The following GNL1 variants were observed in gnomAD, a reference collection of about 807,000 sequenced individuals.
GNL1 encodes the protein guanine nucleotide-binding protein-like 1.
A neutral mutation model predicts 75.2 loss-of-function variants in GNL1; 21 were observed. The observed-to-expected ratio is 0.28, with a 90% CI of 0.20 to 0.40. The LOEUF (loss-of-function observed/expected upper bound fraction) is 0.40, where lower values mean the gene tolerates loss of function less well. Ranked by LOEUF, GNL1 falls within the 10% of genes least tolerant of loss-of-function variation. The pLI, the probability that GNL1 is intolerant of heterozygous loss-of-function variation, is 1.00. For missense variants in GNL1, 579 were observed against 775.0 expected (o/e 0.75, Z 3.00); for synonymous variants, 287 against 303.4 (o/e 0.95, Z 0.56).
intron 8 of GNL1, among the ~76,000 whole-genome samples, chr6:30,550,166 T>C (rs1186596567): frequency 6.6e-6 from 1 of 152,110 alleles, no homozygotes; most frequent in Non-Finnish European, 1.5e-5. Flanking sequence ...CCATCAATGG[T>C]TCCCCAAATT....
chr6:30,549,825 C>CTTTTT (rs535787672), intron 8 of GNL1, among the ~76,000 whole-genome samples: 2 of 129,452 alleles, frequency 1.5e-5, no homozygotes, highest in African/African-American at 3.0e-5. Context: ...AATTCCATGG[C>CTTTTT]TTTTTTTTTT....
rs748033106 is a variant in GNL1 at position 30,555,784 on chromosome 6, C to G, written c.74-64G>C. On this transcript the variant is annotated intron_variant, in intron 1 of 11. Coordinates refer to ENST00000376621, the MANE Select transcript of GNL1 (RefSeq NM_005275.5). The surrounding 1 kb of genome is among the most constrained non-coding windows in gnomAD (Gnocchi z 4.3). ...CTCAGGGGCCATAAGACCCTCTCCCCCATCGGCCTGACTCCCTTTCATCCC... is the reference window on the plus strand; with the variant it reads ...CTCAGGGGCCATAAGACCCTCTCCCGCATCGGCCTGACTCCCTTTCATCCC... 7.9e-6 allele frequency: 12 copies of G among 1,528,622 alleles called. No homozygotes were observed. In the African/African-American group the frequency reaches 8.2e-5, roughly 10 times the overall value. 94.7% of individuals were successfully genotyped at this position (1,528,622 alleles called of 1,614,324 possible). A position where few individuals can be genotyped will look rare whatever the true frequency, so the allele number is the denominator to read the frequency against.
In GNL1 at chr6:30,546,431, T is replaced by G. The variant is rs1409313340; in HGVS notation, c.1583-118A>C. On this transcript the variant is annotated intron_variant, in intron 11 of 11. Transcript: ENST00000376621. This position sits in a 1 kb window ranked among gnomAD's most constrained non-coding sequence, Gnocchi z 5.1. ...CAATAATCTTTAGAGCTGCTGGCAT[T>G]CATTCATTCATCCATTCATTCAACT... The G allele has an allele frequency of 1.4e-6, 1 of 712,454 alleles. No individual in the cohort carries two copies. Among genetic ancestry groups the G allele is most frequent in the Non-Finnish European group, 2.4e-6 (1 of 418,438 alleles). 44.1% of individuals were successfully genotyped at this position (712,454 alleles called of 1,614,324 possible). A position where few individuals can be genotyped will look rare whatever the true frequency, so the allele number is the denominator to read the frequency against.
Position 30,555,985 on chromosome 6 carries a change from T to C in GNL1, c.73+146A>G. On this transcript the variant is annotated intron_variant, in intron 1 of 11. Transcript: ENST00000376621. This position sits in a 1 kb window ranked among gnomAD's most constrained non-coding sequence, Gnocchi z 4.3. The stretch of plus-strand genomic sequence containing the variant: ...CCACCCCTTCCAGATGTAGGGGGGG[T>C]GGGGGATCCCCTCCGCGATAGGCCG... The C allele has an allele frequency of 9.9e-7, 1 of 1,005,466 alleles. No individual in the cohort carries two copies. The highest frequency in any genetic ancestry group is 1.5e-5 in the South Asian group (1 of 68,246). 62.3% of individuals were successfully genotyped at this position (1,005,466 alleles called of 1,614,324 possible).
chr6:30,549,344 G>A lies in GNL1; in HGVS notation c.1100-1814C>T, dbSNP rs140239666. Among the ~76,000 whole-genome samples the A allele has an allele frequency of 3.8e-3, 571 of 152,200 alleles. 5 individuals are homozygous for A. Among genetic ancestry groups the A allele is most frequent in the Middle Eastern group, 0.027 (8 of 294 alleles). ...TAATCCTCTCCCTCTATACATGCAA[G>A]CTTTATCCTTTTAAGGAAATCAACT... On this transcript the variant is annotated intron_variant, in intron 8 of 11. Transcript: ENST00000376621.
chr6:30,552,714 G>C lies in GNL1; in HGVS notation c.905-53C>G. ...GGTTCTCCCCAGGGCTGCTGTGCAT[G>C]ATGGCACATACTGTGCCCTGCACAG... On this transcript the variant is annotated intron_variant, in intron 7 of 11. Transcript: ENST00000376621. This position sits in a 1 kb window ranked among gnomAD's most constrained non-coding sequence, Gnocchi z 4.5. 1.3e-6 allele frequency: 2 copies of C among 1,506,530 alleles called. No individual in the cohort carries two copies. The highest frequency in any genetic ancestry group is 1.8e-6 in the Non-Finnish European group (2 of 1,095,968). The allele number at this position is 1,506,530 out of a possible 1,614,324, so 93.3% of individuals were successfully genotyped here.
Position 30,555,947 on chromosome 6 carries a change from T to C in GNL1, c.73+184A>G, listed in dbSNP as rs1800143343. On this transcript the variant is annotated intron_variant, in intron 1 of 11. Coordinates refer to ENST00000376621, the MANE Select transcript of GNL1 (RefSeq NM_005275.5). The surrounding 1 kb of genome is among the most constrained non-coding windows in gnomAD (Gnocchi z 4.3). Reference sequence around the variant, plus strand: ...GCTGGAGGGATTCCCCTCCCCCAACTCTCCATCCTTCCCCACCCCTTCCAG... The same window carrying C: ...GCTGGAGGGATTCCCCTCCCCCAACCCTCCATCCTTCCCCACCCCTTCCAG... 4.8e-6 allele frequency: 4 copies of C among 841,446 alleles called. No homozygotes were observed. Among genetic ancestry groups the C allele is most frequent in the Middle Eastern group, 4.7e-4 (2 of 4,248 alleles). The allele number at this position is 841,446 out of a possible 1,614,324, so 52.1% of individuals were successfully genotyped here. A position where few individuals can be genotyped will look rare whatever the true frequency, so the allele number is the denominator to read the frequency against.
chr6:30,550,182 C>A (rs1353792738), intron 8 of GNL1, among the ~76,000 whole-genome samples: 2 of 152,240 alleles, frequency 1.3e-5, no homozygotes, highest in South Asian at 2.1e-4. Context: ...AAATTTAAAT[C>A]TTTCCCAAAT....
intron 5 of GNL1, among the ~76,000 whole-genome samples, chr6:30,554,228 G>A (rs780127198): frequency 2.0e-5 from 3 of 152,178 alleles, no homozygotes; most frequent in Admixed American, 6.5e-5. Context: ...GGCAGTGCTA[G>A]AGAAATGAGA....
In GNL1 at chr6:30,548,923, C is replaced by T. The variant is rs1799600051; in HGVS notation, c.1100-1393G>A. 6.6e-6 allele frequency among the ~76,000 whole-genome samples: 1 copy of T among 152,182 alleles called. No homozygotes were observed. Among genetic ancestry groups the T allele is most frequent in the South Asian group, 2.1e-4 (1 of 4,830 alleles). ...GTAAACTACAACATACAAAAAAATGCACAGAACATACATGTGCAGCCTGAT... is the reference window on the plus strand; with the variant it reads ...GTAAACTACAACATACAAAAAAATGTACAGAACATACATGTGCAGCCTGAT... On this transcript the variant is annotated intron_variant, in intron 8 of 11. Transcript: ENST00000376621. The surrounding 1 kb of genome is among the most constrained non-coding windows in gnomAD (Gnocchi z 4.2).
In GNL1 at chr6:30,552,438, C is replaced by A; in HGVS notation, c.1099+29G>T. 1 of 1,580,554 alleles carries A rather than the reference C, an allele frequency of 6.3e-7. No individual in the cohort carries two copies. The highest frequency in any genetic ancestry group is 8.7e-7 in the Non-Finnish European group (1 of 1,153,978). On this transcript the variant is annotated intron_variant, in intron 8 of 11. Transcript: ENST00000376621. The surrounding 1 kb of genome is among the most constrained non-coding windows in gnomAD (Gnocchi z 4.5). Reference sequence around the variant, plus strand: ...TGAAAACTCTGTACCTCCTTGGAGGCCACCACGCACAAGCTGCCACTTCCT... The same window carrying A: ...TGAAAACTCTGTACCTCCTTGGAGGACACCACGCACAAGCTGCCACTTCCT...
In GNL1 at chr6:30,547,054, G is replaced by T; in HGVS notation, c.1441+58C>A. On this transcript the variant is annotated intron_variant, in intron 10 of 11. Transcript: ENST00000376621. The surrounding 1 kb of genome is among the most constrained non-coding windows in gnomAD (Gnocchi z 5.5). The stretch of plus-strand genomic sequence containing the variant: ...GAGACAGGGAAGGGTAAAAGGCGAG[G>T]CAGGTAAGGAAGAGCAGCTGAAACC... The T allele has an allele frequency of 6.8e-7, 1 of 1,461,412 alleles. No homozygotes were observed. Among genetic ancestry groups the T allele is most frequent in the Non-Finnish European group, 9.6e-7 (1 of 1,043,824 alleles). 90.5% of individuals were successfully genotyped at this position (1,461,412 alleles called of 1,614,324 possible).
rs544919519 is a variant in GNL1, at chr6:30,548,492, C to G, written c.1100-962G>C. On this transcript the variant is annotated intron_variant, in intron 8 of 11. Coordinates refer to ENST00000376621, the MANE Select transcript of GNL1 (RefSeq NM_005275.5). This position sits in a 1 kb window ranked among gnomAD's most constrained non-coding sequence, Gnocchi z 4.2. ...AAGTCTTTGACCCCTGACCTTAACA[C>G]AGTAACACTATGCAATACCCAACTC... 6.6e-6 allele frequency among the ~76,000 whole-genome samples: 1 copy of G among 152,298 alleles called. No homozygotes were observed. Among genetic ancestry groups the G allele is most frequent in the Non-Finnish European group, 1.5e-5 (1 of 68,026 alleles).
chr6:30,551,775 A>T (rs908272097), intron 8 of GNL1, among the ~76,000 whole-genome samples: 2 of 152,158 alleles, frequency 1.3e-5, no homozygotes, highest in African/African-American at 4.8e-5. Flanking sequence ...CCATATAAAT[A>T]CTGAGTTTTA....
In GNL1 at chr6:30,552,615, C is replaced by T; in HGVS notation, c.951G>A (p.Gly317=). 2 of 1,614,036 alleles carry T rather than the reference C, an allele frequency of 1.2e-6. No individual in the cohort carries two copies. Among genetic ancestry groups the T allele is most frequent in the Non-Finnish European group, 1.7e-6 (2 of 1,179,966 alleles). ...WREKIARDVA[G]ATWGNGSGEE... ...CCCCAGAGCCATTACCCCAGGTGGC[C>T]CCAGCCACATCCCGAGCAATCTTCT... The change falls in exon 8 of 12, where the codon GGG becomes GGA. Residue 317 remains glycine, a synonymous_variant. Coordinates refer to ENST00000376621, the MANE Select transcript of GNL1 (RefSeq NM_005275.5). This position sits in a 1 kb window ranked among gnomAD's most constrained non-coding sequence, Gnocchi z 4.5.
Position 30,552,962 on chromosome 6 carries a change from TC to T in GNL1, c.904+121del, listed in dbSNP as rs2127377366. The T allele has an allele frequency of 1.3e-6, 1 of 748,450 alleles. No individual in the cohort carries two copies. 46.4% of individuals were successfully genotyped at this position (748,450 alleles called of 1,614,324 possible). On this transcript the variant is annotated intron_variant, in intron 7 of 11. Coordinates refer to ENST00000376621, the MANE Select transcript of GNL1 (RefSeq NM_005275.5). This position sits in a 1 kb window ranked among gnomAD's most constrained non-coding sequence, Gnocchi z 4.5. ...TCAGTCTGCTCCTTATTCTGTCCCT[TC>T]CCCTGGCCTCTTGCACATATCCACC...
Position 30,546,100 on chromosome 6 carries a change from T to C in GNL1, c.1796A>G (p.Tyr599Cys), listed in dbSNP as rs750423828. 26 of 1,585,624 alleles carry C rather than the reference T, an allele frequency of 1.6e-5. No homozygotes were observed. Among genetic ancestry groups the C allele is most frequent in the Non-Finnish European group, 2.2e-5 (26 of 1,166,546 alleles). Residue 599 changes from tyrosine (Y) to cysteine (C), a missense_variant, in exon 12 of 12, where the codon TAT (tyrosine) becomes TGT (cysteine). Physicochemically the swap from Tyr to Cys is radical, Grantham distance 194. Transcript: ENST00000376621. This position sits in a 1 kb window ranked among gnomAD's most constrained non-coding sequence, Gnocchi z 5.1. ...GCACTCATCCTCACCCAGCAGGGCATAAGGGTTTCGGCCAGCCAGGCTGGA... is the reference window on the plus strand; with the variant it reads ...GCACTCATCCTCACCCAGCAGGGCACAAGGGTTTCGGCCAGCCAGGCTGGA... ...PGSSLAGRNPYALLGEDEC is the reference protein window; with the variant it reads ...PGSSLAGRNPCALLGEDEC
chr6:30,549,103 T>C lies in GNL1; in HGVS notation c.1100-1573A>G, dbSNP rs558497670. On this transcript the variant is annotated intron_variant, in intron 8 of 11. Transcript: ENST00000376621. The stretch of plus-strand genomic sequence containing the variant: ...ACCTCATCCTCCCAGGTTCAAGCGA[T>C]TCTCGTGCCTCAACCTCCTGAGTAG... Among the ~76,000 whole-genome samples the C allele has an allele frequency of 5.9e-5, 9 of 152,282 alleles. No homozygotes were observed. In the East Asian group the frequency reaches 1.5e-3, roughly 26 times the overall value.
At position 30,545,777 on chromosome 6, in the gene GNL1, C is replaced by T. The variant is rs900743655; in HGVS notation, c.*295G>A. ...CCTCCCCATGTAGATAACGGGATTC[C>T]TAAGGTGCAGAGTGGGAGAATGGGT... On this transcript the variant is annotated 3_prime_UTR_variant, in exon 12 of 12. Transcript: ENST00000376621. 7.3e-6 allele frequency: 3 copies of T among 412,348 alleles called. 1 individual carries two copies. The highest frequency in any genetic ancestry group is 8.6e-6 in the Non-Finnish European group (2 of 232,742). The allele number at this position is 412,348 out of a possible 1,614,324, so 25.5% of individuals were successfully genotyped here.
Sources: gnomAD v4.1 joint callset for allele counts (sites outside exome capture counted in the v4.1 genomes callset) on GRCh38, gnomAD v4.1.1 for gene constraint, Gnocchi (gnomAD v3.1) non-coding constraint, MANE v1.5 for transcripts, NCBI Gene and HGNC (gene_info 2026-07-23, HGNC 2026-07-21) for gene names.